Variants in GPRC6A observed in about 807,000 individuals in gnomAD.
GPRC6A encodes the protein G protein-coupled receptor class C group 6 member A, also known as G protein-coupled receptor family C group 6 member A.
GPRC6A carries 54 observed loss-of-function variants against 47.0 expected under a neutral mutation model. That is an observed-to-expected ratio of 1.15 (90% CI 0.92 to 1.44). GPRC6A has a LOEUF of 1.44. GPRC6A is among the 40% of genes most tolerant of loss of function. The pLI, the probability that GPRC6A is intolerant of heterozygous loss-of-function variation, is 0.00. For missense variants in GPRC6A, 1,112 were observed against 1,105.5 expected (o/e 1.01, Z -0.08); for synonymous variants, 347 against 377.1 (o/e 0.92, Z 0.93).
chr6:116,807,734 T>C (rs77091821), intron 2 of GPRC6A, among the ~76,000 whole-genome samples: 2,503 of 152,250 alleles, frequency 0.016, 77 homozygotes, highest in African/African-American at 0.056. Context: ...GTCATATCTA[T>C]TTTTTTGTTA....
intron 3 of GPRC6A, among the ~76,000 whole-genome samples, chr6:116,806,014 TA>T (rs939246377): frequency 1.3e-5 from 2 of 152,098 alleles, no homozygotes; most frequent in Non-Finnish European, 2.9e-5. Flanking sequence ...TCATATTTAG[TA>T]AAAAACAAAA....
chr6:116,792,972 TG>T lies in GPRC6A; in HGVS notation c.1950del (p.Phe650LeufsTer19). 6.2e-7 allele frequency: 1 copy of T among 1,614,100 alleles called. No homozygotes were observed. The highest frequency in any genetic ancestry group is 8.5e-7 in the Non-Finnish European group (1 of 1,179,984). ...HFLNFASTSF[F>X]IGEPQDFTCK... ...CATGTGAAGTCTTGTGGTTCTCCAA[TG>T]AAAAAGCTCGTGCTGGCAAAATTGA... On this transcript the variant is annotated frameshift_variant, in exon 6 of 6. Coordinates refer to ENST00000310357, the MANE Select transcript of GPRC6A (RefSeq NM_148963.4). LOFTEE classifies it low-confidence loss of function (END_TRUNC).
rs186218874 is a variant in GPRC6A, at chr6:116,802,655, C to A, written c.1336-1859G>T. ...TCTGTGTCCTGATGCCCAGACGATACCTTCTTTTGTGAAGCAGAAAACACA... is the reference window on the plus strand; with the variant it reads ...TCTGTGTCCTGATGCCCAGACGATAACTTCTTTTGTGAAGCAGAAAACACA... On this transcript the variant is annotated intron_variant, in intron 3 of 5. Transcript: ENST00000310357. 2.6e-3 allele frequency among the ~76,000 whole-genome samples: 401 copies of A among 152,228 alleles called. 3 individuals are homozygous for A. The highest frequency in any genetic ancestry group is 9.1e-3 in the African/African-American group (378 of 41,552).
At chr6:116,818,616 A>AAGCAAAGG (rs1208271663) in intron 1 of GPRC6A, among the ~76,000 whole-genome samples, 4 of 149,648 alleles carry the variant, frequency 2.7e-5, no homozygotes, top group Non-Finnish European at 4.4e-5. Flanking sequence ...TAAGCTTCAT[A>AAGCAAAGG]AGCAAAGGAG....
At chr6:116,804,507 ATTGT>A (rs1231092033) in intron 3 of GPRC6A, among the ~76,000 whole-genome samples, 6 of 152,044 alleles carry the variant, frequency 3.9e-5, no homozygotes, top group Non-Finnish European at 7.4e-5. Flanking sequence ...AACTCTTTGT[ATTGT>A]TTGTCTTACT....
rs182567664 is a variant in GPRC6A, at chr6:116,814,614, G to T, written c.195-4997C>A. ...ACTGGGGCTTGTCATGTGGTGGGGG[G>T]ATGGGGGAGGGATAGCATTAGGAGA... On this transcript the variant is annotated intron_variant, in intron 1 of 5. Coordinates refer to ENST00000310357, the MANE Select transcript of GPRC6A (RefSeq NM_148963.4). Among the ~76,000 whole-genome samples the T allele has an allele frequency of 2.6e-4, 39 of 152,252 alleles. No individual in the cohort carries two copies. In the East Asian group the frequency reaches 6.0e-3, roughly 23 times the overall value.
Position 116,809,373 on chromosome 6 carries a change from C to A in GPRC6A, c.439G>T (p.Gly147Trp). The part of the protein sequence containing the change: ...MPRVKAVIGS[G>W]YSEITMAVSR... ...ACAGCCATAGTTATTTCTGAGTACC[C>A]AGAACCTATGACAGCCTTAACTCTT... is the stretch of plus-strand genomic sequence containing the variant. Residue 147 changes from glycine to tryptophan, a missense_variant, in exon 2 of 6, where the codon GGG (glycine) becomes TGG (tryptophan). By Grantham distance (184) the Gly-to-Trp change is radical. Coordinates refer to ENST00000310357, the MANE Select transcript of GPRC6A (RefSeq NM_148963.4). The A allele has an allele frequency of 6.2e-7, 1 of 1,613,622 alleles. No homozygotes were observed. Among genetic ancestry groups the A allele is most frequent in the South Asian group, 1.1e-5 (1 of 91,060 alleles).
At chr6:116,824,700 C>A (rs1481922475) in intron 1 of GPRC6A, among the ~76,000 whole-genome samples, 4 of 151,910 alleles carry the variant, frequency 2.6e-5, no homozygotes, top group Non-Finnish European at 5.9e-5. Flanking sequence ...TCAAACTACT[C>A]CAAAAAATTC....
intron 5 of GPRC6A, among the ~76,000 whole-genome samples, chr6:116,794,761 A>C (rs574052161): frequency 6.6e-6 from 1 of 152,280 alleles, no homozygotes; most frequent in East Asian, 1.9e-4. Flanking sequence ...AAACATTATT[A>C]AACATACCAA....
intron 3 of GPRC6A, among the ~76,000 whole-genome samples, chr6:116,801,718 G>A (rs1257015348): frequency 6.6e-6 from 1 of 152,002 alleles, no homozygotes; most frequent in Non-Finnish European, 1.5e-5. Flanking sequence ...TAGCTATGAT[G>A]GTAACATCAA....
In GPRC6A at chr6:116,806,401, C is replaced by T. The variant is rs1002521780; in HGVS notation, c.1304G>A (p.Cys435Tyr). ...AIRDLCQARD[C>Y]QNPNAFQPWE... ...TGGTTGAAAGGCGTTGGGGTTCTGA[C>T]AGTCACGAGCTTGACACAGATCCCG... The change falls in exon 3 of 6, where the codon TGT becomes TAT. Residue 435 changes from cysteine to tyrosine, a missense_variant. Coordinates refer to ENST00000310357, the MANE Select transcript of GPRC6A (RefSeq NM_148963.4). 1.2e-6 allele frequency: 2 copies of T among 1,612,066 alleles called. No individual in the cohort carries two copies. Among genetic ancestry groups the T allele is most frequent in the South Asian group, 1.1e-5 (1 of 90,952 alleles).
intron 4 of GPRC6A, 129 bp downstream of exon 4, chr6:116,800,455 T>C: frequency 1.5e-6 from 1 of 654,590 alleles, no homozygotes; most frequent in Middle Eastern, 2.7e-4. Context: ...CTACACTGAT[T>C]AGGCAGAAAC....
chr6:116,814,375 C>T (rs1174311776), intron 1 of GPRC6A, among the ~76,000 whole-genome samples: 3 of 152,096 alleles, frequency 2.0e-5, no homozygotes, highest in African/African-American at 4.8e-5. Flanking sequence ...CAATAATAGA[C>T]TGGATTAAAA....
Position 116,810,070 on chromosome 6 carries a change from C to T in GPRC6A, c.195-453G>A, listed in dbSNP as rs562262451. Among the ~76,000 whole-genome samples the T allele has an allele frequency of 4.6e-5, 7 of 152,190 alleles. 1 individual carries two copies. The South Asian group carries it at 1.2e-3, about 27-fold the overall frequency. The stretch of plus-strand genomic sequence containing the variant: ...AACAGCTTTGGTTAAAGCTTAACAG[C>T]CTGCTCCTAGATAAAGTGTCTTATT... On this transcript the variant is annotated intron_variant, in intron 1 of 5. Coordinates refer to ENST00000310357, the MANE Select transcript of GPRC6A (RefSeq NM_148963.4).
chr6:116,829,117 A>C (rs573467905), upstream of GPRC6A: 4 of 1,366,476 alleles, frequency 2.9e-6, no homozygotes, highest in Non-Finnish European at 3.8e-6. Context: ...TATAAGGTAT[A>C]GGACAGTGTC....
At chr6:116,825,025 T>G (rs1268119627) in intron 1 of GPRC6A, among the ~76,000 whole-genome samples, 3 of 151,970 alleles carry the variant, frequency 2.0e-5, no homozygotes, top group Admixed American at 6.6e-5. Flanking sequence ...AAGTATTTGA[T>G]AAAATACAAC....
chr6:116,795,627 A>G (rs1392919946), intron 5 of GPRC6A, 85 bp downstream of exon 5: 1 of 1,193,992 alleles, frequency 8.4e-7, no homozygotes, highest in Non-Finnish European at 1.1e-6. Flanking sequence ...TTTTCAAATG[A>G]AAAACAAACC....
At chr6:116,820,454 C>A (rs1344055839) in intron 1 of GPRC6A, among the ~76,000 whole-genome samples, 2 of 151,874 alleles carry the variant, frequency 1.3e-5, no homozygotes, top group African/African-American at 4.8e-5. Context: ...ATGCAAAAAT[C>A]CTCAATAAAA....
chr6:116,814,159 G>A (rs1410743052), intron 1 of GPRC6A, among the ~76,000 whole-genome samples: 2 of 152,180 alleles, frequency 1.3e-5, no homozygotes, highest in Admixed American at 6.6e-5. Flanking sequence ...GCTGGTGGGA[G>A]TGTAAATTGG....
Sources: gnomAD v4.1 joint callset for allele counts (sites outside exome capture counted in the v4.1 genomes callset) on GRCh38, gnomAD v4.1.1 for gene constraint, MANE v1.5 for transcripts, NCBI Gene and HGNC (gene_info 2026-07-23, HGNC 2026-07-21) for gene names.